Variants in CLUAP1 observed in about 807,000 individuals in gnomAD.
CLUAP1 encodes the protein intraflagellar transport 38.
A neutral mutation model predicts 55.0 loss-of-function variants in CLUAP1; 50 were observed. The ratio of observed to expected loss-of-function variants is 0.91; its 90% CI spans 0.72 to 1.15. CLUAP1 has a LOEUF of 1.15. Ranked by LOEUF, CLUAP1 falls within the 50% of genes most tolerant of loss-of-function variation. The pLI is 0.00. For synonymous variants in CLUAP1, 195 were observed against 175.4 expected (o/e 1.11, Z -0.88); for missense variants, 530 against 507.6 (o/e 1.04, Z -0.42).
chr16:3,530,178 C>T (rs981139779), intron 9 of CLUAP1, among the ~76,000 whole-genome samples: 4 of 151,698 alleles, frequency 2.6e-5, no homozygotes, highest in East Asian at 1.9e-4. Flanking sequence ...TTCTTCAAGG[C>T]GGAGCCCTCA....
At chr16:3,524,772 C>G (rs769334917) in intron 8 of CLUAP1, among the ~76,000 whole-genome samples, 2 of 152,054 alleles carry the variant, frequency 1.3e-5, no homozygotes, top group African/African-American at 2.4e-5. Flanking sequence ...TCCTCTCATC[C>G]CTGTGGGTAA....
At position 3,537,604 on chromosome 16, in the gene CLUAP1, G is replaced by A. The variant is rs1409408978; in HGVS notation, c.*1333G>A. The A allele has an allele frequency of 2.0e-5, 3 of 152,182 alleles. No individual in the cohort carries two copies. Among genetic ancestry groups the A allele is most frequent in the Admixed American group, 6.5e-5 (1 of 15,268 alleles). 9.4% of individuals were successfully genotyped at this position (152,182 alleles called of 1,614,324 possible). The stretch of plus-strand genomic sequence containing the variant: ...GAATCACTTGAGACCAGGAAGTTGA[G>A]GCTGCAATGAGCCGTGATCATGCCA... On this transcript the variant is annotated 3_prime_UTR_variant, in exon 12 of 12. Transcript: ENST00000576634.
At position 3,504,783 on chromosome 16, in the gene CLUAP1, C is replaced by T; in HGVS notation, c.86C>T (p.Thr29Ile). The change falls in exon 2 of 12, where the codon ACA (threonine) becomes ATA (isoleucine). Residue 29 changes from threonine (T) to isoleucine (I), a missense_variant. By Grantham distance (89) the Thr-to-Ile change is moderately conservative (BLOSUM62 -1). Transcript: ENST00000576634. Reference protein sequence around the residue: ...PRHISMENFRTPNFGLVSEVL... With the variant: ...PRHISMENFRIPNFGLVSEVL... ...CATATTTCTATGGAAAATTTCCGTA[C>T]ACCCAATTTTGGACTTGTATCTGAA... 1 of 1,613,558 alleles carries T rather than the reference C, an allele frequency of 6.2e-7. No homozygotes were observed. Among genetic ancestry groups the T allele is most frequent in the East Asian group, 2.2e-5 (1 of 44,888 alleles).
intron 5 of CLUAP1, among the ~76,000 whole-genome samples, chr16:3,513,540 C>T (rs1034204361): frequency 2.0e-5 from 3 of 152,144 alleles, no homozygotes; most frequent in Non-Finnish European, 4.4e-5. Flanking sequence ...ACCTCCGCCT[C>T]CCAGGTTCAG....
chr16:3,533,353 G>T (rs891810244), intron 11 of CLUAP1: 2 of 578,590 alleles, frequency 3.5e-6, no homozygotes, highest in Non-Finnish European at 3.1e-6. Context: ...TGGAGGCGGG[G>T]AAAGCTCAGG....
Position 3,529,741 on chromosome 16 carries a change from ATATTATATATTATATAATATATATTATAT to A in CLUAP1, c.929-787_929-759del, listed in dbSNP as rs1397729931. Among the ~76,000 whole-genome samples, 70 of 23,584 alleles carry A rather than the reference ATATTATATATTATATAATATATATTATAT, an allele frequency of 3.0e-3. 1 individual carries two copies. The highest frequency in any genetic ancestry group is 0.031 in the Middle Eastern group (1 of 32). 15.5% of individuals were successfully genotyped at this position (23,584 alleles called of 152,430 possible). On this transcript the variant is annotated intron_variant, in intron 9 of 11. Coordinates refer to ENST00000576634, the MANE Select transcript of CLUAP1 (RefSeq NM_015041.3). Reference sequence around the variant, plus strand: ...TATTATATATTATATATATTATTATATATTATATATTATATAATATATATTATATTATTATATATTATATAATATATATT... The same window carrying A: ...TATTATATATTATATATATTATTATATATTATATATTATATAATATATATT...
chr16:3,529,759 T>TATATTATATA (rs2038063890), intron 9 of CLUAP1, among the ~76,000 whole-genome samples: 1 of 50,238 alleles, frequency 2.0e-5, no homozygotes, highest in Non-Finnish European at 3.5e-5. Context: ...TATTATATAA[T>TATATTATATA]ATATATTATA....
At position 3,523,252 on chromosome 16, in the gene CLUAP1, GAAC is replaced by G. The variant is rs2151060413; in HGVS notation, c.813_815del (p.Gln272del). 6.2e-7 allele frequency: 1 copy of G among 1,613,758 alleles called. No individual in the cohort carries two copies. The highest frequency in any genetic ancestry group is 2.2e-5 in the East Asian group (1 of 44,856). On this transcript the variant is annotated inframe_deletion, in exon 8 of 12. Transcript: ENST00000576634. ...GAAATTTCAAAATCTGACTTATCTG[GAAC>G]AACAGCTTGAAGACCATCATAGGAT...
chr16:3,504,503 T>C (rs1431492468), intron 1 of CLUAP1, among the ~76,000 whole-genome samples: 1 of 152,256 alleles, frequency 6.6e-6, no homozygotes, highest in African/African-American at 2.4e-5. Flanking sequence ...TATAGCCATC[T>C]ACTTCTCCCA....
At chr16:3,510,869 G>T (rs1020613479) in intron 4 of CLUAP1, among the ~76,000 whole-genome samples, 16 of 152,372 alleles carry the variant, frequency 1.1e-4, no homozygotes, top group African/African-American at 3.1e-4. Context: ...GGCTGTCCAG[G>T]TGGAGATGGT....
In CLUAP1 at chr16:3,520,164, G is replaced by T. The variant is rs2037806765; in HGVS notation, c.713+128G>T. The T allele has an allele frequency of 4.2e-6, 4 of 943,120 alleles. No homozygotes were observed. In the South Asian group the frequency reaches 7.7e-5, roughly 18 times the overall value. 58.4% of individuals were successfully genotyped at this position (943,120 alleles called of 1,614,324 possible). The stretch of plus-strand genomic sequence containing the variant: ...GGGGCGGGGGGTTCTCTTGAGCCCA[G>T]GAGTTTGAGACCAGCCTGGGCAGCA... On this transcript the variant is annotated intron_variant, in intron 7 of 11. Transcript: ENST00000576634.
At chr16:3,529,454 T>TA (rs1463907444) in intron 9 of CLUAP1, among the ~76,000 whole-genome samples, 12 of 72,810 alleles carry the variant, frequency 1.6e-4, no homozygotes, top group Non-Finnish European at 2.7e-4. Flanking sequence ...TTATATATTA[T>TA]TATATATAAT....
intron 7 of CLUAP1, 49 bp from the exon 8 acceptor site, chr16:3,523,109 C>CTACT: frequency 6.7e-7 from 1 of 1,503,040 alleles, no homozygotes; most frequent in Non-Finnish European, 9.0e-7. Context: ...CCATTTCAAA[C>CTACT]TACTGCATAT....
intron 11 of CLUAP1, 131 bp downstream of exon 11, chr16:3,532,972 G>A: frequency 1.5e-6 from 2 of 1,334,308 alleles, no homozygotes; most frequent in Non-Finnish European, 2.1e-6. Flanking sequence ...TCGATGCGTG[G>A]CAGGGTTTGG....
At chr16:3,525,873 C>A (rs918579918) in intron 8 of CLUAP1, among the ~76,000 whole-genome samples, 1 of 152,284 alleles carries the variant, frequency 6.6e-6, no homozygotes, top group Non-Finnish European at 1.5e-5. Flanking sequence ...AGCCCCCATT[C>A]TCTTTCTTGA....
upstream of CLUAP1, among the ~76,000 whole-genome samples, chr16:3,497,168 G>A (rs1331742566): frequency 6.6e-6 from 1 of 151,434 alleles, no homozygotes; most frequent in Admixed American, 6.6e-5. Flanking sequence ...ACCGCGCCCA[G>A]CAACCTGATC....
At chr16:3,530,018 A>C (rs2038083305) in intron 9 of CLUAP1, among the ~76,000 whole-genome samples, 2 of 146,636 alleles carry the variant, frequency 1.4e-5, no homozygotes, top group Non-Finnish European at 3.0e-5. Context: ...CTTGTCTGAA[A>C]TTTAATGAGC....
chr16:3,536,040 G>C, intron 11 of CLUAP1, 82 bp from the exon 12 acceptor site: 1 of 1,529,984 alleles, frequency 6.5e-7, no homozygotes, highest in Non-Finnish European at 8.9e-7. Flanking sequence ...TGCTGCTATA[G>C]AAAGGGAGGC....
intron 7 of CLUAP1, among the ~76,000 whole-genome samples, chr16:3,522,142 C>T (rs1312767040): frequency 6.6e-6 from 1 of 152,006 alleles, no homozygotes; most frequent in African/African-American, 2.4e-5. Flanking sequence ...TTATAATATC[C>T]TGACAGTAGA....
Sources: gnomAD v4.1 joint callset for allele counts (sites outside exome capture counted in the v4.1 genomes callset) on GRCh38, gnomAD v4.1.1 for gene constraint, MANE v1.5 for transcripts, NCBI Gene and HGNC (gene_info 2026-07-23, HGNC 2026-07-21) for gene names.